Variants in SVIL observed in about 807,000 individuals in gnomAD.
SVIL encodes the protein supervillin.
Under a neutral mutation model 240.4 loss-of-function variants are expected in SVIL, and 101 were observed. That is an observed-to-expected ratio of 0.42 (90% CI 0.36 to 0.50). The LOEUF (loss-of-function observed/expected upper bound fraction) is 0.50, where lower values mean the gene tolerates loss of function less well. Ranked by LOEUF, SVIL falls within the 20% of genes least tolerant of loss-of-function variation. SVIL has a pLI of 0.01. For synonymous variants in SVIL, 999 were observed against 1,100.0 expected (o/e 0.91, Z 1.82); for missense variants, 2,512 against 2,818.7 (o/e 0.89, Z 2.46).
At chr10:29,544,679 G>A (rs1039131671) in intron 6 of SVIL, among the ~76,000 whole-genome samples, 12 of 147,960 alleles carry the variant, frequency 8.1e-5, no homozygotes, top group Non-Finnish European at 1.5e-4. Flanking sequence ...GAACGCTCGA[G>A]CCCAGGAAGT....
chr10:29,606,913 C>T (rs1172606668), intron 1 of SVIL, among the ~76,000 whole-genome samples: 1 of 152,176 alleles, frequency 6.6e-6, no homozygotes, highest in African/African-American at 2.4e-5. Context: ...TGCCACCACA[C>T]CCGGCTAATT....
chr10:29,474,893 A>C (rs572511280), intron 29 of SVIL, among the ~76,000 whole-genome samples: 1 of 152,368 alleles, frequency 6.6e-6, no homozygotes, highest in East Asian at 1.9e-4. Flanking sequence ...ACTTGAGCAT[A>C]AACTAATCTG....
At chr10:29,463,759 T>A in intron 34 of SVIL, 124 bp from the exon 35 acceptor site, 1 of 1,385,470 alleles carries the variant, frequency 7.2e-7, no homozygotes, top group South Asian at 1.4e-5. Flanking sequence ...GAAACCCCCT[T>A]GGCCATCAAA....
intron 33 of SVIL, among the ~76,000 whole-genome samples, chr10:29,466,701 T>A (rs1300144508): frequency 6.6e-6 from 1 of 152,084 alleles, no homozygotes; most frequent in Non-Finnish European, 1.5e-5. Flanking sequence ...TAAATTTTAA[T>A]AACTTGGGAA....
chr10:29,653,443 C>T (rs879608327), intron 3 of SVIL, among the ~76,000 whole-genome samples: 102 of 152,134 alleles, frequency 6.7e-4, no homozygotes, highest in Non-Finnish European at 1.3e-3. Flanking sequence ...CCAATTAAGC[C>T]TATTTTCTTT....
chr10:29,703,841 G>A (rs939136122), intron 1 of SVIL, among the ~76,000 whole-genome samples: 11 of 152,136 alleles, frequency 7.2e-5, no homozygotes, highest in Admixed American at 2.6e-4. Context: ...TAGATCAGTC[G>A]CCCAGGCTGG....
chr10:29,507,960 AAG>A (rs972507832), intron 17 of SVIL: 2 of 204,498 alleles, frequency 9.8e-6, no homozygotes, highest in Non-Finnish European at 1.8e-5. Context: ...TTCTCTTTTC[AAG>A]AGAGTCCTCC....
chr10:29,675,084 C>T (rs761177105), intron 2 of SVIL, among the ~76,000 whole-genome samples: 8 of 152,068 alleles, frequency 5.3e-5, no homozygotes, highest in African/African-American at 7.2e-5. Context: ...GGACATTTTT[C>T]GAAGAGGAGG....
intron 1 of SVIL, among the ~76,000 whole-genome samples, chr10:29,604,363 C>CTTTTTTTTTTTT (rs71525560): frequency 5.2e-5 from 2 of 38,426 alleles, no homozygotes; most frequent in Non-Finnish European, 1.1e-4. Context: ...CCATGTCTGG[C>CTTTTTTTTTTTT]TTTTTTTTTT....
chr10:29,549,749 A>C (rs1953062256), intron 6 of SVIL, among the ~76,000 whole-genome samples: 1 of 144,762 alleles, frequency 6.9e-6, no homozygotes, highest in East Asian at 2.0e-4. Flanking sequence ...GGAAACCATC[A>C]TTCTCAGTAA....
At chr10:29,598,316 A>G (rs1008423396) in intron 1 of SVIL, among the ~76,000 whole-genome samples, 7 of 152,202 alleles carry the variant, frequency 4.6e-5, no homozygotes, top group Admixed American at 3.9e-4. Flanking sequence ...ATGTGGATAT[A>G]CTGATATTTA....
chr10:29,473,929 T>C lies in SVIL; in HGVS notation c.5438A>G (p.Tyr1813Cys), dbSNP rs1025594301. The C allele has an allele frequency of 1.2e-6, 2 of 1,613,886 alleles. No homozygotes were observed. The highest frequency in any genetic ancestry group is 1.7e-6 in the Non-Finnish European group (2 of 1,180,016). ...GGAGTGCCGGCCTTGCCAGAAGAAG[T>C]AGACGCACTTCTCTTTGCCGGCTGC... ...VRAAGKEKCV[Y>C]FFWQGRHSTV... is the part of the protein sequence containing the mutation. Residue 1813 changes from tyrosine to cysteine, a missense_variant, in exon 30 of 38, where the codon TAC becomes TGC. Physicochemically the swap from Tyr to Cys is radical, Grantham distance 194. Coordinates refer to ENST00000355867, the MANE Select transcript of SVIL (RefSeq NM_021738.3).
upstream of SVIL, among the ~76,000 whole-genome samples, chr10:29,639,180 T>G (rs1958403065): frequency 6.6e-6 from 1 of 152,162 alleles, no homozygotes; most frequent in East Asian, 1.9e-4. Flanking sequence ...TTTTTTGTTT[T>G]TCTTTTTCTT....
At chr10:29,463,903 C>G (rs980724969) in intron 34 of SVIL, among the ~76,000 whole-genome samples, 2 of 152,222 alleles carry the variant, frequency 1.3e-5, no homozygotes, top group Non-Finnish European at 2.9e-5. Flanking sequence ...CCAGGTCCTC[C>G]TCCCTTTGCC....
At chr10:29,480,172 C>T (rs1039516698) in intron 29 of SVIL, among the ~76,000 whole-genome samples, 9 of 150,624 alleles carry the variant, frequency 6.0e-5, no homozygotes, top group South Asian at 2.1e-4. Context: ...CTGTACTTAA[C>T]GACTTTAATT....
intron 1 of SVIL, among the ~76,000 whole-genome samples, chr10:29,692,166 C>A (rs1329307243): frequency 1.3e-5 from 2 of 152,188 alleles, no homozygotes; most frequent in Non-Finnish European, 2.9e-5. Context: ...TTGTTTTTGG[C>A]ATTCTGGCTT....
chr10:29,486,551 C>G lies in SVIL; in HGVS notation c.4492G>C (p.Glu1498Gln). Residue 1498 changes from glutamate to glutamine, a missense_variant, in exon 25 of 38, where the codon GAA becomes CAA. Transcript: ENST00000355867. ...TTTGTCTGAATTAAAGTTGCAAGTTCTGAGGCCTAAAAAAGAGAGGAACAC... is the reference window on the plus strand; with the variant it reads ...TTTGTCTGAATTAAAGTTGCAAGTTGTGAGGCCTAAAAAAGAGAGGAACAC... ...ANVIEKAKAS[E>Q]LATLIQTKRE... is the part of the protein sequence containing the mutation. 1 of 1,614,110 alleles carries G rather than the reference C, an allele frequency of 6.2e-7. No homozygotes were observed. The highest frequency in any genetic ancestry group is 8.5e-7 in the Non-Finnish European group (1 of 1,180,012).
At chr10:29,592,174 C>A (rs1008532844) in intron 1 of SVIL, among the ~76,000 whole-genome samples, 1 of 152,140 alleles carries the variant, frequency 6.6e-6, no homozygotes, top group Admixed American at 6.5e-5. Flanking sequence ...ATTGCTTGAA[C>A]CTGGGAGGCG....
At chr10:29,620,382 G>A (rs1473505436) in intron 1 of SVIL, among the ~76,000 whole-genome samples, 4 of 152,128 alleles carry the variant, frequency 2.6e-5, no homozygotes, top group African/African-American at 9.7e-5. Context: ...AAGGAAAGAG[G>A]TGGGAGAGAA....
Sources: allele counts gnomAD v4.1 joint callset (sites outside exome capture counted in the v4.1 genomes callset), GRCh38; gene constraint gnomAD v4.1.1; transcripts MANE v1.5; gene names NCBI Gene and HGNC (gene_info 2026-07-23, HGNC 2026-07-21).